Variants in PIK3C2G observed in about 807,000 individuals in gnomAD.
PIK3C2G encodes the protein phosphatidylinositol 3-kinase C2 domain-containing subunit gamma.
In PIK3C2G, 168 loss-of-function variants were observed where a neutral mutation model predicts 181.1. The ratio of observed to expected loss-of-function variants is 0.93; its 90% confidence interval spans 0.82 to 1.05. The LOEUF (loss-of-function observed/expected upper bound fraction) is 1.05, where lower values mean the gene tolerates loss of function less well. Ranked by LOEUF, PIK3C2G falls within the 50% of genes least tolerant of loss-of-function variation. The pLI, the probability that PIK3C2G is intolerant of heterozygous loss-of-function variation, is 0.00. For missense variants in PIK3C2G, 1,869 were observed against 1,732.8 expected (o/e 1.08, Z -1.40); for synonymous variants, 573 against 592.2 (o/e 0.97, Z 0.47).
chr12:18,306,992 G>T (rs73341277), intron 5 of PIK3C2G, among the ~76,000 whole-genome samples: 2,404 of 150,792 alleles, frequency 0.016, 70 homozygotes, highest in African/African-American at 0.056. Context: ...TTATTCCAAT[G>T]AAAGAGCATC....
At chr12:18,660,865 A>T in the PIK3C2G span, among the ~76,000 whole-genome samples, 1 of 152,196 alleles carries the variant, frequency 6.6e-6, no homozygotes, top group Non-Finnish European at 1.5e-5. Flanking sequence ...CTAGGCAAAG[A>T]GTTTAAAACA....
intron 18 of PIK3C2G, among the ~76,000 whole-genome samples, chr12:18,454,481 A>G (rs1472302855): frequency 6.6e-6 from 1 of 152,144 alleles, no homozygotes; most frequent in Non-Finnish European, 1.5e-5. Context: ...GAAGTGTGAA[A>G]AGCCAGTGTA....
chr12:18,311,725 C>T (rs1432595533), intron 5 of PIK3C2G, among the ~76,000 whole-genome samples: 22 of 151,836 alleles, frequency 1.4e-4, no homozygotes, highest in Admixed American at 6.6e-5. Flanking sequence ...ATGTATTAGT[C>T]AGGGTTCTCT....
the PIK3C2G span, among the ~76,000 whole-genome samples, chr12:18,676,058 C>T: frequency 2.6e-5 from 4 of 151,960 alleles, no homozygotes; most frequent in Admixed American, 1.3e-4. Context: ...ACCATCAACA[C>T]GAGTCAATAG....
At chr12:18,268,484 T>G (rs1948605183) in intron 1 of PIK3C2G, among the ~76,000 whole-genome samples, 3 of 152,234 alleles carry the variant, frequency 2.0e-5, no homozygotes, top group Non-Finnish European at 4.4e-5. Context: ...ATTTCATAAT[T>G]TGTAACCTTT....
rs540388520 is a variant in PIK3C2G, at chr12:18,288,862, G to A, written c.761+1933G>A. Among the ~76,000 whole-genome samples the A allele has an allele frequency of 2.4e-3, 365 of 152,122 alleles. 1 individual carries two copies. The highest frequency in any genetic ancestry group is 8.4e-3 in the African/African-American group (349 of 41,540). On this transcript the variant is annotated intron_variant, in intron 3 of 32. Transcript: ENST00000538779. The stretch of plus-strand genomic sequence containing the variant: ...TTTTTGTGGATGCACTAGTGACATC[G>A]AAATACTTGATGTGATGATTTTCCA...
chr12:18,458,703 T>C (rs1947756237), intron 18 of PIK3C2G, among the ~76,000 whole-genome samples: 1 of 151,842 alleles, frequency 6.6e-6, no homozygotes, highest in Non-Finnish European at 1.5e-5. Context: ...TGCCTCCAGC[T>C]GGCAAAAAAC....
intron 13 of PIK3C2G, among the ~76,000 whole-genome samples, chr12:18,377,277 T>C (rs1469775537): frequency 6.6e-6 from 1 of 151,304 alleles, no homozygotes; most frequent in Non-Finnish European, 1.5e-5. Context: ...CCATCTGTTC[T>C]CCTGGTGTCA....
chr12:18,308,095 C>T (rs964315318), intron 5 of PIK3C2G, among the ~76,000 whole-genome samples: 5 of 151,628 alleles, frequency 3.3e-5, no homozygotes, highest in African/African-American at 4.8e-5. Context: ...ATTCACTAAC[C>T]GCTATACTAG....
chr12:18,612,002 G>T (rs1948364778), intron 31 of PIK3C2G, among the ~76,000 whole-genome samples: 1 of 152,086 alleles, frequency 6.6e-6, no homozygotes, highest in Non-Finnish European at 1.5e-5. Flanking sequence ...CTTTGCGGAA[G>T]GAGTCTTATA....
the PIK3C2G span, among the ~76,000 whole-genome samples, chr12:18,691,764 C>A: frequency 2.0e-5 from 3 of 152,108 alleles, no homozygotes; most frequent in Non-Finnish European, 4.4e-5. Flanking sequence ...ACCAACAATC[C>A]AGTGTTGTAG....
intron 24 of PIK3C2G, among the ~76,000 whole-genome samples, chr12:18,526,134 A>G (rs925352845): frequency 1.3e-5 from 2 of 152,168 alleles, no homozygotes; most frequent in Non-Finnish European, 2.9e-5. Context: ...ATTTAAAACT[A>G]TCTTTTAACA....
Position 18,445,931 on chromosome 12 carries a change from G to A in PIK3C2G, c.2504+21892G>A, listed in dbSNP as rs1487224633. Reference sequence around the variant, plus strand: ...AGAAACTAGGTGCAATCTTTTTAACGAGGGGAAAATGGGCACAGAGAGAGG... The same window carrying A: ...AGAAACTAGGTGCAATCTTTTTAACAAGGGGAAAATGGGCACAGAGAGAGG... On this transcript the variant is annotated intron_variant, in intron 18 of 32. Coordinates refer to ENST00000538779, the MANE Select transcript of PIK3C2G (RefSeq NM_001288772.2). Among the ~76,000 whole-genome samples, 4 of 152,224 alleles carry A rather than the reference G, an allele frequency of 2.6e-5. No homozygotes were observed. In the East Asian group the frequency reaches 7.7e-4, roughly 29 times the overall value.
At chr12:18,648,661 C>T (rs1223241036), downstream of PIK3C2G, among the ~76,000 whole-genome samples, 3 of 152,046 alleles carry the variant, frequency 2.0e-5, no homozygotes, top group South Asian at 2.1e-4. Context: ...CCCAGAGGCA[C>T]GATTTAAACT....
intron 16 of PIK3C2G, among the ~76,000 whole-genome samples, chr12:18,405,436 T>TTGC (rs1565685136): frequency 6.6e-5 from 10 of 151,420 alleles, no homozygotes; most frequent in African/African-American, 2.2e-4. Flanking sequence ...GTTGTTGTTG[T>TTGC]TGAGATGGAG....
the PIK3C2G span, chr12:18,683,666 T>G: frequency 2.3e-6 from 3 of 1,292,494 alleles, no homozygotes; most frequent in Non-Finnish European, 3.1e-6. Flanking sequence ...GACAAGGTAA[T>G]TGGGAGCACA....
At chr12:18,699,073 A>G in the PIK3C2G span, among the ~76,000 whole-genome samples, 1 of 152,116 alleles carries the variant, frequency 6.6e-6, no homozygotes, top group African/African-American at 2.4e-5. Context: ...TACCTTGGGC[A>G]CTGCCAAACA....
At chr12:18,338,663 CTGTGTGTGTGTGTGTGTGTGTGTGTG>C (rs199613361) in intron 9 of PIK3C2G, 115 bp downstream of exon 9, 3 of 412,688 alleles carry the variant, frequency 7.3e-6, no homozygotes, top group Non-Finnish European at 1.3e-5. Flanking sequence ...TTGTGTGTAT[CTGTGTGTGTGTGTGTGTGTGTGTGTG>C]TGTGTGTGTG....
At chr12:18,481,764 T>G (rs1287822148) in intron 18 of PIK3C2G, among the ~76,000 whole-genome samples, 2 of 152,088 alleles carry the variant, frequency 1.3e-5, no homozygotes, top group African/African-American at 4.8e-5. Flanking sequence ...GCAAAGAGAA[T>G]GATTTCAGCC....
Sources: allele counts gnomAD v4.1 joint callset (sites outside exome capture counted in the v4.1 genomes callset), GRCh38; gene constraint gnomAD v4.1.1; transcripts MANE v1.5; gene names NCBI Gene and HGNC (gene_info 2026-07-23, HGNC 2026-07-21).